Variants in PPP6R1 observed in about 807,000 individuals in gnomAD.
PPP6R1 encodes serine/threonine-protein phosphatase 6 regulatory subunit 1.
PPP6R1 carries 39 observed loss-of-function variants against 104.6 expected under a neutral mutation model. The observed-to-expected ratio is 0.37, with a 90% CI of 0.29 to 0.49. The LOEUF (loss-of-function observed/expected upper bound fraction) is 0.49. Among genes scored for constraint, PPP6R1 ranks in the 20% least tolerant of loss-of-function variants. The pLI is 0.98. For synonymous variants in PPP6R1, 549 were observed against 479.0 expected (o/e 1.15, Z -1.91); for missense variants, 1,181 against 1,155.8 (o/e 1.02, Z -0.32).
chr19:55,248,203 T>C (rs2087526336), intron 1 of PPP6R1, among the ~76,000 whole-genome samples: 2 of 152,184 alleles, frequency 1.3e-5, no homozygotes, highest in Non-Finnish European at 1.5e-5. Flanking sequence ...TTGATGACAA[T>C]GGTCCTGGCT....
chr19:55,235,906 T>C (rs1026329295), intron 17 of PPP6R1, among the ~76,000 whole-genome samples: 1 of 147,370 alleles, frequency 6.8e-6, no homozygotes, highest in African/African-American at 2.5e-5. Context: ...TGGTGCGATC[T>C]CAACTCACTG....
At position 55,247,088 on chromosome 19, in the gene PPP6R1, C is replaced by T; in HGVS notation, c.16G>A (p.Asp6Asn). Residue 6 changes from aspartate to asparagine, a missense_variant, in exon 2 of 24, where the codon GAC (aspartate) becomes AAC (asparagine). By Grantham distance (23) the Asp-to-Asn change is conservative. This residue lies in a region of PPP6R1 where 139 missense variants were observed against 200.1 expected (regional missense o/e 0.69). Transcript: ENST00000412770. Reference protein sequence around the residue: MFWKFDLHTSSHLDTL... With the variant: MFWKFNLHTSSHLDTL... ...TCCAGGTGCGAGCTTGTGTGCAGGT[C>T]AAACTTCCAAAACATGGCGCCCTGC... 6.2e-7 allele frequency: 1 copy of T among 1,613,100 alleles called. No individual in the cohort carries two copies. Among genetic ancestry groups the T allele is most frequent in the Non-Finnish European group, 8.5e-7 (1 of 1,179,632 alleles).
In PPP6R1 at chr19:55,245,052, A is replaced by G; in HGVS notation, c.618+68T>C. 1 of 1,574,318 alleles carries G rather than the reference A, an allele frequency of 6.4e-7. No homozygotes were observed. The highest frequency in any genetic ancestry group is 8.6e-7 in the Non-Finnish European group (1 of 1,156,800). ...TGCGTCCAGCCCCAATTCCTCTTTT[A>G]AAAGTGGGGAAGTGGGCATGGGGAA... On this transcript the variant is annotated intron_variant, in intron 5 of 23. Transcript: ENST00000412770. This position sits in a 1 kb window ranked among gnomAD's most constrained non-coding sequence, Gnocchi z 6.4.
At chr19:55,249,980 C>T (rs943861678) in intron 1 of PPP6R1, among the ~76,000 whole-genome samples, 9 of 152,216 alleles carry the variant, frequency 5.9e-5, no homozygotes, top group Non-Finnish European at 1.3e-4. Flanking sequence ...CCACGGTGAC[C>T]CCAGTGCCCT....
rs2087465041 is a variant in PPP6R1, at chr19:55,242,235, T to G, written c.776A>C (p.Glu259Ala). The stretch of plus-strand genomic sequence containing the variant: ...ACTGACGATGACAGACTGGCTCTGC[T>G]CCCCCTCGAACATGTTGCTTAAGAG... ...EQLLSNMFEGEQSQSVIVSGI... is the reference protein window; with the variant it reads ...EQLLSNMFEGAQSQSVIVSGI... The change falls in exon 7 of 24, where the codon GAG becomes GCG. Residue 259 changes from glutamate (E) to alanine (A), a missense_variant. By Grantham distance (107) the Glu-to-Ala change is moderately radical. Transcript: ENST00000412770. The G allele has an allele frequency of 6.2e-7, 1 of 1,613,492 alleles. No individual in the cohort carries two copies. The highest frequency in any genetic ancestry group is 1.7e-5 in the Admixed American group (1 of 59,980).
Position 55,253,566 on chromosome 19 carries a change from C to T in PPP6R1, c.-7+4869G>A, listed in dbSNP as rs1206587069. Among the ~76,000 whole-genome samples the T allele has an allele frequency of 2.0e-5, 3 of 152,180 alleles. No individual in the cohort carries two copies. In the East Asian group the frequency reaches 5.8e-4, roughly 29 times the overall value. ...ACTTCGGCCCTGAGAACCCAGGCAG[C>T]GCCCTGAACTCTCCATCTCAAGTGG... On this transcript the variant is annotated intron_variant, in intron 1 of 23. Transcript: ENST00000412770.
Position 55,240,280 on chromosome 19 carries a change from C to T in PPP6R1, c.1317G>A (p.Leu439=), listed in dbSNP as rs1268171218. 6.9e-6 allele frequency: 11 copies of T among 1,593,686 alleles called. No homozygotes were observed. The highest frequency in any genetic ancestry group is 9.4e-6 in the Non-Finnish European group (11 of 1,170,970). Residue 439 remains leucine (L), a synonymous_variant, in exon 11 of 24, where the codon CTG becomes CTA. Transcript: ENST00000412770. ...VVKHLLQQCR[L]VERILTSWEE... ...CCCAGGACGTCAGGATCCGCTCCACCAGGCGGCACTGCTGCAGCAGCTGCG... is the reference window on the plus strand; with the variant it reads ...CCCAGGACGTCAGGATCCGCTCCACTAGGCGGCACTGCTGCAGCAGCTGCG...
intron 21 of PPP6R1, 61 bp downstream of exon 21, chr19:55,231,349 A>C: frequency 6.7e-7 from 1 of 1,500,948 alleles, no homozygotes. Context: ...CCCAGAGCCC[A>C]CCTCAGCGAA....
chr19:55,233,810 G>A lies in PPP6R1; in HGVS notation c.1989-1599C>T, dbSNP rs956433241. Among the ~76,000 whole-genome samples the A allele has an allele frequency of 2.0e-5, 3 of 152,322 alleles. No homozygotes were observed. The South Asian group carries it at 6.2e-4, about 32-fold the overall frequency. ...TATATAAAAAGACATCCATGTTCAC[G>A]TATTAGAAGACGCAAGGTGGCTTCT... On this transcript the variant is annotated intron_variant, in intron 17 of 23. Transcript: ENST00000412770.
chr19:55,246,122 C>T (rs1459079434), intron 2 of PPP6R1, among the ~76,000 whole-genome samples: 1 of 152,190 alleles, frequency 6.6e-6, no homozygotes, highest in Non-Finnish European at 1.5e-5. Flanking sequence ...AGAGCTGCCC[C>T]ACCAGCGTGC....
intron 1 of PPP6R1, among the ~76,000 whole-genome samples, chr19:55,256,571 G>A (rs140973823): frequency 1.1e-3 from 160 of 152,366 alleles, no homozygotes; most frequent in Admixed American, 1.8e-3. Context: ...AGCTCTCTGG[G>A]AGGCTAGGTA....
At chr19:55,233,158 G>A (rs745495432) in intron 17 of PPP6R1, 2 of 152,168 alleles carry the variant, frequency 1.3e-5, no homozygotes, top group Non-Finnish European at 2.9e-5. Flanking sequence ...GATGCAGTAT[G>A]GGACTATATA....
rs2087401516 is a variant in PPP6R1 at position 55,236,669 on chromosome 19, G to T, written c.1962C>A (p.Ala654=). The part of the protein sequence containing the change: ...AWQGSQLARG[A]RLGQPPGVRS... ...GGACACCAGGTGGCTGGCCCAGACG[G>T]GCCCCCCTGGCCAGCTGGCTGCCCT... Residue 654 remains alanine, a synonymous_variant, in exon 17 of 24, where the codon GCC becomes GCA. Transcript: ENST00000412770. The T allele has an allele frequency of 6.3e-7, 1 of 1,588,874 alleles. No individual in the cohort carries two copies. The highest frequency in any genetic ancestry group is 1.1e-5 in the South Asian group (1 of 87,174).
In PPP6R1 at chr19:55,231,405, C is replaced by A; in HGVS notation, c.2459+5G>T. On this transcript the variant is annotated splice_donor_5th_base_variant and intron_variant, in intron 21 of 23. Transcript: ENST00000412770. ...GATACTAGGCAGCCCCACCTCGCTG[C>A]TCACCTGTCCGAGGAGCTGGGGGCA... 6.3e-7 allele frequency: 1 copy of A among 1,591,106 alleles called. No homozygotes were observed. The highest frequency in any genetic ancestry group is 8.5e-7 in the Non-Finnish European group (1 of 1,169,736).
Position 55,241,898 on chromosome 19 carries a change from T to G in PPP6R1, c.846-259A>C, listed in dbSNP as rs2087461833. On this transcript the variant is annotated intron_variant, in intron 7 of 23. Coordinates refer to ENST00000412770, the MANE Select transcript of PPP6R1 (RefSeq NM_014931.4). This position sits in a 1 kb window ranked among gnomAD's most constrained non-coding sequence, Gnocchi z 5.4. ...GCAAACCCAACAGGCTAGCGGCCTGTGTGGTAAGGCAGGGGCACGGGGGCC... is the reference window on the plus strand; with the variant it reads ...GCAAACCCAACAGGCTAGCGGCCTGGGTGGTAAGGCAGGGGCACGGGGGCC... 6.6e-6 allele frequency among the ~76,000 whole-genome samples: 1 copy of G among 151,982 alleles called. No individual in the cohort carries two copies. The highest frequency in any genetic ancestry group is 1.5e-5 in the Non-Finnish European group (1 of 67,980).
intron 1 of PPP6R1, among the ~76,000 whole-genome samples, chr19:55,258,150 G>T (rs2087608774): frequency 6.6e-6 from 1 of 152,256 alleles, no homozygotes; most frequent in South Asian, 2.1e-4. Context: ...GAGGCTCAGG[G>T]ACTGGGGAGC....
chr19:55,252,350 C>A (rs2122724359), intron 1 of PPP6R1, among the ~76,000 whole-genome samples: 1 of 151,240 alleles, frequency 6.6e-6, no homozygotes, highest in South Asian at 2.1e-4. Flanking sequence ...CTGCCTCAGC[C>A]TCCCGAGTAG....
intron 21 of PPP6R1, 40 bp from the exon 22 acceptor site, chr19:55,230,924 C>G: frequency 6.7e-7 from 1 of 1,489,826 alleles, no homozygotes; most frequent in Non-Finnish European, 9.2e-7. Context: ...GCGTGGCCCC[C>G]ACCGTCACCT....
At chr19:55,228,881 T>C, downstream of PPP6R1, 1 of 863,498 alleles carries the variant, frequency 1.2e-6, no homozygotes, top group Non-Finnish European at 1.8e-6. Context: ...GGAGATGTTG[T>C]CCTCACCCTG....
Sources: allele counts gnomAD v4.1 joint callset (sites outside exome capture counted in the v4.1 genomes callset), GRCh38; gene constraint gnomAD v4.1.1; regional missense constraint gnomAD v4.1.1; non-coding constraint Gnocchi (gnomAD v3.1); transcripts MANE v1.5; gene names NCBI Gene and HGNC (gene_info 2026-07-23, HGNC 2026-07-21).